PDE3A: variants seen among roughly 807,000 people sequenced by gnomAD.
PDE3A encodes phosphodiesterase 3A, also known as cGMP-inhibited 3',5'-cyclic phosphodiesterase 3A.
A neutral mutation model predicts 98.3 loss-of-function variants in PDE3A; 43 were observed. The ratio of observed to expected loss-of-function variants is 0.44; its 90% CI spans 0.34 to 0.56. The LOEUF (loss-of-function observed/expected upper bound fraction) is 0.56. Among genes scored for constraint, PDE3A ranks in the 20% least tolerant of loss-of-function variants. PDE3A has a pLI of 0.01. For missense variants in PDE3A, 1,427 were observed against 1,440.7 expected (o/e 0.99, Z 0.15); for synonymous variants, 663 against 567.9 (o/e 1.17, Z -2.38).
intron 1 of PDE3A, among the ~76,000 whole-genome samples, chr12:20,451,536 G>C (rs1456350043): frequency 1.3e-5 from 2 of 152,098 alleles, no homozygotes; most frequent in Admixed American, 6.5e-5. Context: ...GGCCTTCCAG[G>C]TCTCAAGTGA....
intron 1 of PDE3A, 126 bp downstream of exon 1, chr12:20,370,370 A>T (rs1943446439): frequency 1.5e-6 from 1 of 682,122 alleles, no homozygotes; most frequent in Non-Finnish European, 2.1e-6. Context: ...GTCTAACTTC[A>T]GAATTAAGAA....
chr12:20,603,178 C>T (rs1943633068), intron 2 of PDE3A, among the ~76,000 whole-genome samples: 1 of 152,130 alleles, frequency 6.6e-6, no homozygotes, highest in Admixed American at 6.6e-5. Flanking sequence ...TGACTATTTC[C>T]TTTTTATGTG....
At position 20,661,113 on chromosome 12, in the gene PDE3A, A is replaced by G. The variant is rs144191355; in HGVS notation, c.3184+6908A>G. Among the ~76,000 whole-genome samples the G allele has an allele frequency of 2.4e-4, 36 of 152,328 alleles. No homozygotes were observed. The East Asian group carries it at 5.4e-3, about 23-fold the overall frequency. The stretch of plus-strand genomic sequence containing the variant: ...GATGGAGATGAGGAACTTGTCGAGA[A>G]CTGGAGCAAATGTGACTCTTGTTCT... On this transcript the variant is annotated intron_variant, in intron 15 of 15. Coordinates refer to ENST00000359062, the MANE Select transcript of PDE3A (RefSeq NM_000921.5).
intron 1 of PDE3A, among the ~76,000 whole-genome samples, chr12:20,541,275 A>AT (rs1472201256): frequency 1.3e-5 from 2 of 150,994 alleles, no homozygotes; most frequent in African/African-American, 2.4e-5. Context: ...TTTTTAAAAT[A>AT]TTTTTTGTAG....
At chr12:20,442,280 T>C (rs1422811999) in intron 1 of PDE3A, among the ~76,000 whole-genome samples, 2 of 152,212 alleles carry the variant, frequency 1.3e-5, no homozygotes, top group East Asian at 3.8e-4. Flanking sequence ...TTAGTTAGGA[T>C]AGGCTAAGCT....
At chr12:20,433,630 C>T (rs1252261240) in intron 1 of PDE3A, among the ~76,000 whole-genome samples, 1 of 151,934 alleles carries the variant, frequency 6.6e-6, no homozygotes, top group African/African-American at 2.4e-5. Flanking sequence ...AAATACTGTA[C>T]ATATTTTACT....
intron 2 of PDE3A, among the ~76,000 whole-genome samples, chr12:20,612,722 A>AGTAATATAGTTACTTATATAAGTAATAAG: frequency 2.4e-5 from 3 of 125,132 alleles, no homozygotes; most frequent in Non-Finnish European, 5.2e-5. Context: ...TAAGTAATAA[A>AGTAATATAGTTACTTATATAAGTAATAAG]CTATATGTAA....
At chr12:20,507,499 A>G (rs375603796) in intron 1 of PDE3A, among the ~76,000 whole-genome samples, 3 of 152,064 alleles carry the variant, frequency 2.0e-5, no homozygotes, top group East Asian at 3.9e-4. Flanking sequence ...TCCTAAGTTC[A>G]TATCGACAGC....
chr12:20,484,663 A>T lies in PDE3A; in HGVS notation c.961-71997A>T, dbSNP rs1313545002. 2.6e-5 allele frequency among the ~76,000 whole-genome samples: 4 copies of T among 152,052 alleles called. No individual in the cohort carries two copies. The East Asian group carries it at 7.7e-4, about 29-fold the overall frequency. ...CTTTGTCTTTTACCTTTTGTTCTTTATTACGTTAGCTCATTTAATTTTTAT... is the reference window on the plus strand; with the variant it reads ...CTTTGTCTTTTACCTTTTGTTCTTTTTTACGTTAGCTCATTTAATTTTTAT... On this transcript the variant is annotated intron_variant, in intron 1 of 15. Transcript: ENST00000359062.
chr12:20,529,978 T>C (rs1823549946), intron 1 of PDE3A, among the ~76,000 whole-genome samples: 1 of 152,218 alleles, frequency 6.6e-6, no homozygotes, highest in African/African-American at 2.4e-5. Flanking sequence ...AAATGCACCG[T>C]AATTCACAAA....
intron 1 of PDE3A, among the ~76,000 whole-genome samples, chr12:20,423,867 T>C (rs935455483): frequency 1.3e-5 from 2 of 152,090 alleles, no homozygotes; most frequent in Non-Finnish European, 2.9e-5. Context: ...AGTAAAGCTG[T>C]GACCAGAAGG....
At chr12:20,438,211 C>T (rs1944811180) in intron 1 of PDE3A, among the ~76,000 whole-genome samples, 1 of 151,988 alleles carries the variant, frequency 6.6e-6, no homozygotes, top group Non-Finnish European at 1.5e-5. Flanking sequence ...TAAGGAAGCT[C>T]CTAAGTATCC....
At chr12:20,391,349 T>C (rs1443398315) in intron 1 of PDE3A, among the ~76,000 whole-genome samples, 1 of 144,712 alleles carries the variant, frequency 6.9e-6, no homozygotes, top group Non-Finnish European at 1.5e-5. Flanking sequence ...TGTATACATA[T>C]ATATAACATA....
chr12:20,635,858 A>G (rs1222525776), intron 8 of PDE3A, among the ~76,000 whole-genome samples: 1 of 151,792 alleles, frequency 6.6e-6, no homozygotes, highest in East Asian at 1.9e-4. Context: ...ATATCAATAT[A>G]TTTTTTCTCT....
chr12:20,444,773 A>G lies in PDE3A; in HGVS notation c.960+74529A>G, dbSNP rs571817374. 3.9e-5 allele frequency among the ~76,000 whole-genome samples: 6 copies of G among 152,310 alleles called. No homozygotes were observed. In the East Asian group the frequency reaches 9.7e-4, roughly 25 times the overall value. On this transcript the variant is annotated intron_variant, in intron 1 of 15. Transcript: ENST00000359062. Reference sequence around the variant, plus strand: ...TGCATGCCTGGTGCACTAAAACTAAATGGGATTTCAGCAGATGAAGGGAAA... The same window carrying G: ...TGCATGCCTGGTGCACTAAAACTAAGTGGGATTTCAGCAGATGAAGGGAAA...
chr12:20,381,091 C>T (rs966947510), intron 1 of PDE3A, among the ~76,000 whole-genome samples: 5 of 151,710 alleles, frequency 3.3e-5, no homozygotes, highest in African/African-American at 9.7e-5. Flanking sequence ...GTCCACTTCT[C>T]GTCATTCCTT....
chr12:20,667,691 T>G (rs1286988117), intron 15 of PDE3A, among the ~76,000 whole-genome samples: 1 of 152,196 alleles, frequency 6.6e-6, no homozygotes, highest in African/African-American at 2.4e-5. Context: ...TATTTTGAAG[T>G]CAGGTAGTGT....
chr12:20,599,229 C>T (rs1488108809), intron 2 of PDE3A, among the ~76,000 whole-genome samples: 1 of 152,116 alleles, frequency 6.6e-6, no homozygotes, highest in Non-Finnish European at 1.5e-5. Context: ...CCCCCACTTA[C>T]TCTCTCTAGA....
intron 1 of PDE3A, among the ~76,000 whole-genome samples, chr12:20,542,458 C>CAT (rs1941942590): frequency 1.3e-5 from 2 of 149,976 alleles, no homozygotes; most frequent in South Asian, 4.2e-4. Context: ...CACACACACA[C>CAT]ACACACACAC....
Sources: allele counts gnomAD v4.1 joint callset (sites outside exome capture counted in the v4.1 genomes callset), GRCh38; gene constraint gnomAD v4.1.1; transcripts MANE v1.5; gene names NCBI Gene and HGNC (gene_info 2026-07-23, HGNC 2026-07-21).